The following DNAH14 variants were observed in gnomAD, a reference collection of about 807,000 sequenced individuals.
The protein encoded by DNAH14 is dynein axonemal heavy chain 14.
DNAH14 carries 478 observed loss-of-function variants against 520.9 expected under a neutral mutation model. The ratio of observed to expected loss-of-function variants is 0.92; its 90% confidence interval spans 0.85 to 0.99. The LOEUF (loss-of-function observed/expected upper bound fraction) is 0.99, where lower values mean the gene tolerates loss of function less well. Among genes scored for constraint, DNAH14 ranks in the 50% least tolerant of loss-of-function variants. DNAH14 has a pLI of 0.00. For synonymous variants in DNAH14, 1,581 were observed against 1,757.2 expected, an observed-to-expected ratio of 0.90 and a Z score of 2.51; for missense variants, 4,831 against 5,234.5, an observed-to-expected ratio of 0.92 and a Z score of 2.38.
intron 55 of DNAH14, among the ~76,000 whole-genome samples, chr1:225,293,113 G>T (rs1208074380): frequency 6.6e-6 from 1 of 152,096 alleles, no homozygotes; most frequent in South Asian, 2.1e-4. Context: ...AAATCAAAAC[G>T]ACAATAAGAT....
At chr1:225,114,600 A>C (rs1195556171) in intron 23 of DNAH14, among the ~76,000 whole-genome samples, 1 of 152,090 alleles carries the variant, frequency 6.6e-6, no homozygotes, top group African/African-American at 2.4e-5. Context: ...ACTGCCTTTC[A>C]AGTTTGTTTA....
intron 83 of DNAH14, among the ~76,000 whole-genome samples, chr1:225,390,138 C>A (rs1416893378): frequency 6.6e-6 from 1 of 152,184 alleles, no homozygotes; most frequent in African/African-American, 2.4e-5. Context: ...CATCTCTCTG[C>A]CATTGCTTCT....
At chr1:225,032,201 AATG>A (rs1458619222) in intron 11 of DNAH14, among the ~76,000 whole-genome samples, 2 of 151,964 alleles carry the variant, frequency 1.3e-5, no homozygotes, top group Non-Finnish European at 2.9e-5. Flanking sequence ...AATACCCAAT[AATG>A]ATCTTTTCTG....
chr1:225,369,972 G>A (rs538629420), intron 77 of DNAH14, among the ~76,000 whole-genome samples: 29 of 152,240 alleles, frequency 1.9e-4, no homozygotes, highest in African/African-American at 7.0e-4. Flanking sequence ...GATCACCTGA[G>A]GTCAGGAGTT....
chr1:224,945,707 C>T (rs1291504472), intron 1 of DNAH14, among the ~76,000 whole-genome samples: 1 of 152,284 alleles, frequency 6.6e-6, no homozygotes, highest in Admixed American at 6.5e-5. Flanking sequence ...TTCCTTCCAA[C>T]AGTCAGGACC....
chr1:225,296,683 T>C (rs2094016465), intron 55 of DNAH14, among the ~76,000 whole-genome samples: 1 of 152,170 alleles, frequency 6.6e-6, no homozygotes. Flanking sequence ...CTAGGGGTGA[T>C]GAATTCCCTC....
At chr1:225,159,544 A>G in intron 35 of DNAH14, 59 bp downstream of exon 35, 1 of 1,381,094 alleles carries the variant, frequency 7.2e-7, no homozygotes, top group Non-Finnish European at 9.6e-7. Flanking sequence ...CAATTAAGAA[A>G]CTAGATGTGG....
intron 31 of DNAH14, among the ~76,000 whole-genome samples, chr1:225,148,680 A>G (rs537658253): frequency 2.6e-4 from 39 of 152,184 alleles, no homozygotes; most frequent in South Asian, 8.3e-4. Flanking sequence ...GATTACAGGC[A>G]TGAGTCACTG....
At chr1:225,090,692 A>C (rs2074299883) in intron 21 of DNAH14, among the ~76,000 whole-genome samples, 1 of 152,112 alleles carries the variant, frequency 6.6e-6, no homozygotes, top group Non-Finnish European at 1.5e-5. Context: ...AAAAACTCTT[A>C]AGCCACATCT....
At chr1:225,206,276 A>G in intron 40 of DNAH14, 97 bp downstream of exon 40, 2 of 1,127,996 alleles carry the variant, frequency 1.8e-6, no homozygotes, top group Non-Finnish European at 2.4e-6. Context: ...TTTTATTTTT[A>G]CCTTTGTATC....
At chr1:225,129,496 C>G (rs1254931183) in intron 27 of DNAH14, among the ~76,000 whole-genome samples, 2 of 150,960 alleles carry the variant, frequency 1.3e-5, no homozygotes, top group Non-Finnish European at 3.0e-5. Context: ...CAGAACAGAG[C>G]CCTCAGAAAT....
At chr1:224,972,579 C>T (rs947977684) in intron 7 of DNAH14, among the ~76,000 whole-genome samples, 4 of 152,146 alleles carry the variant, frequency 2.6e-5, no homozygotes, top group South Asian at 4.2e-4. Flanking sequence ...GATTCTCCTG[C>T]CTCAGCCTCC....
At chr1:225,034,599 G>T (rs1483022858) in intron 11 of DNAH14, among the ~76,000 whole-genome samples, 2 of 151,408 alleles carry the variant, frequency 1.3e-5, no homozygotes, top group Non-Finnish European at 2.9e-5. Flanking sequence ...GAATGATTTT[G>T]GGAGAGAAAT....
intron 64 of DNAH14, among the ~76,000 whole-genome samples, chr1:225,326,965 A>G (rs1331680701): frequency 5.3e-5 from 8 of 152,162 alleles, no homozygotes; most frequent in Non-Finnish European, 7.3e-5. Flanking sequence ...CAGTAAACCA[A>G]CTAGACCTAA....
chr1:225,327,219 G>A (rs1045742418), intron 64 of DNAH14, among the ~76,000 whole-genome samples: 1 of 151,396 alleles, frequency 6.6e-6, no homozygotes, highest in African/African-American at 2.4e-5. Flanking sequence ...GTGCAGAGGC[G>A]CGATCTCGGC....
At chr1:225,017,013 A>C (rs1269872940) in intron 10 of DNAH14, among the ~76,000 whole-genome samples, 1 of 151,856 alleles carries the variant, frequency 6.6e-6, no homozygotes, top group African/African-American at 2.4e-5. Context: ...CCTAAGATTA[A>C]TATTTTGAAT....
chr1:224,968,736 T>A (rs1043662557), intron 6 of DNAH14, 23 bp from the exon 7 acceptor site: 21 of 1,271,708 alleles, frequency 1.7e-5, no homozygotes, highest in African/African-American at 6.3e-5. Context: ...AATAAAATAA[T>A]GCTTTTGTGC....
At chr1:224,948,256 G>T (rs1223689494) in intron 1 of DNAH14, among the ~76,000 whole-genome samples, 4 of 151,124 alleles carry the variant, frequency 2.6e-5, no homozygotes, top group African/African-American at 7.3e-5. Flanking sequence ...AAACCATGTT[G>T]TTAAGTCCAA....
At position 225,266,672 on chromosome 1, in the gene DNAH14, C is replaced by T; in HGVS notation, c.7442C>T (p.Pro2481Leu). ...ILIFIDDMNMPVSDMYGAQPP... is the reference protein window; with the variant it reads ...ILIFIDDMNMLVSDMYGAQPP... The stretch of plus-strand genomic sequence containing the variant: ...ATATTTATTGATGATATGAATATGC[C>T]AGTATCAGATATGTATGGAGCACAG... Residue 2481 changes from proline to leucine, a missense_variant, in exon 49 of 86, where the codon CCA (proline) becomes CTA (leucine). Transcript: ENST00000682510. The T allele has an allele frequency of 6.6e-7, 1 of 1,504,740 alleles. No homozygotes were observed. Among genetic ancestry groups the T allele is most frequent in the Non-Finnish European group, 8.8e-7 (1 of 1,132,344 alleles). The allele number at this position is 1,504,740 out of a possible 1,614,324, so 93.2% of individuals were successfully genotyped here.
Sources: allele counts gnomAD v4.1 joint callset (sites outside exome capture counted in the v4.1 genomes callset), GRCh38; gene constraint gnomAD v4.1.1; transcripts MANE v1.5; gene names NCBI Gene and HGNC (gene_info 2026-07-23, HGNC 2026-07-21).